SCG3: variants seen among roughly 807,000 people sequenced by gnomAD.
The protein encoded by SCG3 is secretogranin III, also known as secretogranin-3.
In SCG3, 38 loss-of-function variants were observed where a neutral mutation model predicts 56.2. The ratio of observed to expected loss-of-function variants is 0.68; its 90% CI spans 0.52 to 0.89. The LOEUF is 0.89. Ranked by LOEUF, SCG3 falls within the 40% of genes least tolerant of loss-of-function variation. The probability of loss-of-function intolerance (pLI) is 0.00; values close to 1 mark genes in which losing one functional copy is unlikely to be tolerated. For synonymous variants in SCG3, 176 were observed against 184.2 expected, an observed-to-expected ratio of 0.96 and a Z score of 0.36; for missense variants, 524 against 540.7, an observed-to-expected ratio of 0.97 and a Z score of 0.31.
In SCG3 at chr15:51,692,327, A is replaced by G; in HGVS notation, c.859A>G (p.Ile287Val). 1.9e-6 allele frequency: 3 copies of G among 1,613,434 alleles called. No homozygotes were observed. In the South Asian group the frequency reaches 3.3e-5, roughly 18 times the overall value. ...AAATTTCTATGCGCTACTGAAAAGT[A>G]TTGATTCAGGTAACCACTGTGTGGT... Reference protein sequence around the residue: ...FPNFYALLKSIDSEKEAKEKE... With the variant: ...FPNFYALLKSVDSEKEAKEKE... Residue 287 changes from isoleucine to valine, a missense_variant, in exon 7 of 12, where the codon ATT becomes GTT. Ile to Val is a conservative substitution (Grantham distance 29). Coordinates refer to ENST00000220478, the MANE Select transcript of SCG3 (RefSeq NM_013243.4).
At chr15:51,690,402 C>T (rs2055259017) in intron 6 of SCG3, among the ~76,000 whole-genome samples, 1 of 152,170 alleles carries the variant, frequency 6.6e-6, no homozygotes, top group Non-Finnish European at 1.5e-5. Context: ...TGATTTTCCT[C>T]TGTAAAGCAC....
chr15:51,701,236 A>T lies in SCG3; in HGVS notation c.1199A>T (p.Glu400Val), dbSNP rs1459834270. Residue 400 changes from glutamate to valine, a missense_variant, in exon 10 of 12, where the codon GAA becomes GTA. Glu to Val is a moderately radical substitution (Grantham distance 121). Transcript: ENST00000220478. ...TCCAACCCAGGAGGAAAGACAGATG[A>T]ACCCAAAGGTATGGGATTGACAGCT... ...DNSNPGGKTDEPKGKTEAYLE... is the reference protein window; with the variant it reads ...DNSNPGGKTDVPKGKTEAYLE... The T allele has an allele frequency of 6.3e-7, 1 of 1,596,168 alleles. No homozygotes were observed.
rs199620592 is a variant in SCG3, at chr15:51,692,290, C to T, written c.822C>T (p.Leu274=). Residue 274 remains leucine (L), a synonymous_variant, in exon 7 of 12, where the codon CTC becomes CTT. Coordinates refer to ENST00000220478, the MANE Select transcript of SCG3 (RefSeq NM_013243.4). ...ACAGTGAAGACAACTTTGAGGAACT[C>T]CAATATTTCCCAAATTTCTATGCGC... ...KTYSEDNFEE[L]QYFPNFYALL... is the part of the protein sequence containing the mutation. The T allele has an allele frequency of 6.2e-7, 1 of 1,613,886 alleles. No homozygotes were observed. Among genetic ancestry groups the T allele is most frequent in the East Asian group, 2.2e-5 (1 of 44,876 alleles).
chr15:51,697,346 A>G (rs2055310568), intron 8 of SCG3, among the ~76,000 whole-genome samples: 1 of 152,220 alleles, frequency 6.6e-6, no homozygotes, highest in South Asian at 2.1e-4. Flanking sequence ...ATGGAAATAA[A>G]TCAAAAATGC....
intron 10 of SCG3, among the ~76,000 whole-genome samples, chr15:51,707,072 AT>A (rs986080069): frequency 6.6e-6 from 1 of 152,098 alleles, no homozygotes; most frequent in Non-Finnish European, 1.5e-5. Context: ...TCTTTTTGCC[AT>A]TTGGATGTTT....
intron 8 of SCG3, among the ~76,000 whole-genome samples, chr15:51,698,459 T>G (rs969843496): frequency 1.3e-5 from 2 of 152,162 alleles, no homozygotes; most frequent in African/African-American, 4.8e-5. Flanking sequence ...AAATGCTCCT[T>G]AATATAAGTA....
chr15:51,700,246 C>T (rs1335344047), intron 9 of SCG3, among the ~76,000 whole-genome samples: 1 of 152,092 alleles, frequency 6.6e-6, no homozygotes, highest in African/African-American at 2.4e-5. Flanking sequence ...CTCTACATAC[C>T]GCATCACACT....
intron 10 of SCG3, among the ~76,000 whole-genome samples, chr15:51,709,882 G>C (rs1408949990): frequency 7.8e-6 from 1 of 127,914 alleles, no homozygotes; most frequent in Non-Finnish European, 1.6e-5. Context: ...CAACACGCCC[G>C]GCTAATTTTT....
chr15:51,692,793 T>C (rs1200484656), intron 7 of SCG3, among the ~76,000 whole-genome samples: 1 of 152,244 alleles, frequency 6.6e-6, no homozygotes, highest in Non-Finnish European at 1.5e-5. Context: ...TTGGTACATT[T>C]ATACATTGTG....
chr15:51,681,965 ACAGAGAAAT>A, intron 1 of SCG3, 128 bp downstream of exon 1: 2 of 685,074 alleles, frequency 2.9e-6, no homozygotes, highest in Non-Finnish European at 2.6e-6. Context: ...ATGAATACGG[ACAGAGAAAT>A]CAGTTCGAAT....
chr15:51,716,496 A>G (rs529868121), intron 11 of SCG3, among the ~76,000 whole-genome samples: 1 of 152,356 alleles, frequency 6.6e-6, no homozygotes, highest in South Asian at 2.1e-4. Flanking sequence ...GGAATGGTCA[A>G]TCAATGACCA....
At chr15:51,692,570 G>T (rs760040903) in intron 7 of SCG3, among the ~76,000 whole-genome samples, 14 of 152,068 alleles carry the variant, frequency 9.2e-5, no homozygotes, top group South Asian at 2.1e-4. Flanking sequence ...TTAACAGAAG[G>T]TTCATTTATT....
intron 10 of SCG3, among the ~76,000 whole-genome samples, chr15:51,702,405 C>T (rs181683619): frequency 1.1e-4 from 17 of 152,170 alleles, no homozygotes; most frequent in East Asian, 7.7e-4. Context: ...TACAGGCACG[C>T]GCCACCCTGC....
rs78683580 is a variant in SCG3 at position 51,689,984 on chromosome 15, T to G, written c.690+616T>G. Among the ~76,000 whole-genome samples, 734 of 152,262 alleles carry G rather than the reference T, an allele frequency of 4.8e-3. 14 individuals are homozygous for G. Among genetic ancestry groups the G allele is most frequent in the African/African-American group, 0.017 (702 of 41,536 alleles). ...GAAGTAACAATATCACATAATAACA[T>G]CTGTGTGTACAGTCCCAGTGAACTG... On this transcript the variant is annotated intron_variant, in intron 6 of 11. Coordinates refer to ENST00000220478, the MANE Select transcript of SCG3 (RefSeq NM_013243.4).
intron 9 of SCG3, among the ~76,000 whole-genome samples, chr15:51,700,394 T>G (rs75292630): frequency 1.2e-4 from 19 of 152,338 alleles, no homozygotes; most frequent in Admixed American, 5.2e-4. Flanking sequence ...CAGAAATGTA[T>G]TACAATTGTT....
chr15:51,710,434 A>G (rs1203197583), intron 10 of SCG3, among the ~76,000 whole-genome samples: 1 of 152,236 alleles, frequency 6.6e-6, no homozygotes, highest in Admixed American at 6.5e-5. Flanking sequence ...TCTTTAAGCT[A>G]TAGTAAACTC....
chr15:51,692,770 A>G (rs1435764094), intron 7 of SCG3, among the ~76,000 whole-genome samples: 1 of 152,146 alleles, frequency 6.6e-6, no homozygotes, highest in African/African-American at 2.4e-5. Flanking sequence ...TTTAAGGTGT[A>G]CAATTTGATG....
Position 51,719,507 on chromosome 15 carries a change from G to A in SCG3, c.1388G>A (p.Arg463His), listed in dbSNP as rs150761131. 77 of 1,613,094 alleles carry A rather than the reference G, an allele frequency of 4.8e-5. No individual in the cohort carries two copies. The highest frequency in any genetic ancestry group is 4.3e-4 in the African/African-American group (32 of 75,006). ...LDKEEAEAIK[R>H]IYSSL The stretch of plus-strand genomic sequence containing the variant: ...AAGGAAGAAGCCGAGGCCATCAAGC[G>A]CATTTATAGCAGCCTGTAAAAATGG... The change falls in exon 12 of 12, where the codon CGC (arginine) becomes CAC (histidine). Residue 463 changes from arginine (R) to histidine (H), a missense_variant. Arg to His is a conservative substitution (Grantham distance 29). Coordinates refer to ENST00000220478, the MANE Select transcript of SCG3 (RefSeq NM_013243.4).
rs2055460981 is a variant in SCG3 at position 51,717,007 on chromosome 15, C to T, written c.1289-2401C>T. 2.0e-5 allele frequency among the ~76,000 whole-genome samples: 3 copies of T among 151,868 alleles called. No homozygotes were observed. In the South Asian group the frequency reaches 6.3e-4, roughly 32 times the overall value. ...TTGGGAGGCCAAGGTGGGAGGATCA[C>T]TTGAGGCCAGGAGTTTGAGACCAGC... On this transcript the variant is annotated intron_variant, in intron 11 of 11. Coordinates refer to ENST00000220478, the MANE Select transcript of SCG3 (RefSeq NM_013243.4).
Sources: gnomAD v4.1 joint callset for allele counts (sites outside exome capture counted in the v4.1 genomes callset) on GRCh38, gnomAD v4.1.1 for gene constraint, MANE v1.5 for transcripts, NCBI Gene and HGNC (gene_info 2026-07-23, HGNC 2026-07-21) for gene names.